Variants in MEAF6 observed in about 807,000 individuals in gnomAD.
MEAF6 encodes the protein chromatin modification-related protein MEAF6.
Under a neutral mutation model 28.9 loss-of-function variants are expected in MEAF6, and 15 were observed. The ratio of observed to expected loss-of-function variants is 0.52; its 90% CI spans 0.35 to 0.80. The LOEUF (loss-of-function observed/expected upper bound fraction) is 0.80, where lower values mean the gene tolerates loss of function less well. Among genes scored for constraint, MEAF6 ranks in the 30% least tolerant of loss-of-function variants. The pLI is 0.01. For missense variants in MEAF6, 178 were observed against 237.5 expected (o/e 0.75, Z 1.65); for synonymous variants, 97 against 88.7 (o/e 1.09, Z -0.53).
chr1:37,508,274 CTTTTTTTTTTTTTTTTT>C (rs577291632), intron 4 of MEAF6, among the ~76,000 whole-genome samples: 1 of 83,878 alleles, frequency 1.2e-5, no homozygotes, highest in Non-Finnish European at 2.4e-5. Context: ...ATGAGCATTT[CTTTTTTTTTTTTTTTTT>C]TTTTTTTTTG....
At chr1:37,508,380 G>C (rs1642557277) in intron 4 of MEAF6, among the ~76,000 whole-genome samples, 1 of 138,476 alleles carries the variant, frequency 7.2e-6, no homozygotes, top group South Asian at 2.3e-4. Context: ...CTGGGCTAAA[G>C]TGATCCTCTC....
intron 4 of MEAF6, among the ~76,000 whole-genome samples, chr1:37,508,956 G>C (rs922878765): frequency 2.6e-5 from 4 of 152,162 alleles, no homozygotes; most frequent in Non-Finnish European, 5.9e-5. Flanking sequence ...AATTAGCCAG[G>C]TGTGGTGACA....
rs369361938 is a variant in MEAF6, at chr1:37,495,959, C to T, written c.534-41G>A. On this transcript the variant is annotated intron_variant, in intron 5 of 6. Transcript: ENST00000296214. Reference sequence around the variant, plus strand: ...TAAAAGATATTTCCATTTTAATTTACAGAAAATGGGTCCCACAATCAGCTA... The same window carrying T: ...TAAAAGATATTTCCATTTTAATTTATAGAAAATGGGTCCCACAATCAGCTA... 5.8e-6 allele frequency: 9 copies of T among 1,563,848 alleles called. No homozygotes were observed. In the African/African-American group the frequency reaches 6.8e-5, roughly 12 times the overall value.
rs911473839 is a variant in MEAF6 at position 37,514,709 on chromosome 1, G to C, written c.38C>G (p.Pro13Arg). The C allele has an allele frequency of 1.3e-6, 2 of 1,541,154 alleles. No homozygotes were observed. Among genetic ancestry groups the C allele is most frequent in the African/African-American group, 1.4e-5 (1 of 69,908 alleles). ...CTCCGCCAGCTCCCGCCGGGTGTCC[G>C]GGATCTGCGGCGGCGCCGCCTTGTT... Reference protein sequence around the residue: ...MHNKAAPPQIPDTRRELAELV... With the variant: ...MHNKAAPPQIRDTRRELAELV... The change falls in exon 1 of 7, where the codon CCG becomes CGG. Residue 13 changes from proline to arginine, a missense_variant. By Grantham distance (103) the Pro-to-Arg change is moderately radical. Transcript: ENST00000296214.
At chr1:37,502,608 CGTAA>C (rs778851910) in intron 4 of MEAF6, among the ~76,000 whole-genome samples, 3 of 143,476 alleles carry the variant, frequency 2.1e-5, no homozygotes, top group African/African-American at 7.7e-5. Context: ...ACTTGAACCT[CGTAA>C]GTCTTTTTTT....
chr1:37,490,287 G>A lies in MEAF6; in HGVS notation c.*3812C>T, dbSNP rs976140346. Among the ~76,000 whole-genome samples, 1 of 152,008 alleles carries A rather than the reference G, an allele frequency of 6.6e-6. No individual in the cohort carries two copies. Among genetic ancestry groups the A allele is most frequent in the Non-Finnish European group, 1.5e-5 (1 of 68,000 alleles). ...ATCCACGGAAGCAGTTTTTCAAAGT[G>A]AAAACTGTTTCAAATCACGAAGCTT... On this transcript the variant is annotated 3_prime_UTR_variant, in exon 7 of 7. Coordinates refer to ENST00000296214, the MANE Select transcript of MEAF6 (RefSeq NM_001270875.3).
chr1:37,494,146 C>T, intron 6 of MEAF6, 39 bp from the exon 7 acceptor site: 1 of 1,565,770 alleles, frequency 6.4e-7, no homozygotes, highest in Non-Finnish European at 8.8e-7. Flanking sequence ...TTACTCTCGG[C>T]AGAACAGTTG....
At chr1:37,505,730 G>C (rs1406466147) in intron 4 of MEAF6, among the ~76,000 whole-genome samples, 1 of 152,180 alleles carries the variant, frequency 6.6e-6, no homozygotes, top group Non-Finnish European at 1.5e-5. Flanking sequence ...GTGTGGTACT[G>C]GTATCAACGT....
At chr1:37,509,211 GAATTA>G in intron 4 of MEAF6, 62 bp downstream of exon 4, 1 of 1,327,174 alleles carries the variant, frequency 7.5e-7, no homozygotes, top group Admixed American at 1.7e-5. Context: ...ACAATTGGAT[GAATTA>G]AGTGTAAGGG....
chr1:37,504,717 A>T (rs1420642725), intron 4 of MEAF6, among the ~76,000 whole-genome samples: 1 of 144,300 alleles, frequency 6.9e-6, no homozygotes, highest in East Asian at 2.2e-4. Flanking sequence ...GGTTGCAGTG[A>T]GCCAAGATGG....
rs1641976271 is a variant in MEAF6 at position 37,492,622 on chromosome 1, C to T, written c.*1477G>A. 6.8e-6 allele frequency: 1 copy of T among 146,956 alleles called. No individual in the cohort carries two copies. Among genetic ancestry groups the T allele is most frequent in the African/African-American group, 2.5e-5 (1 of 39,960 alleles). 9.1% of individuals were successfully genotyped at this position (146,956 alleles called of 1,614,324 possible). A position where few individuals can be genotyped will look rare whatever the true frequency, so the allele number is the denominator to read the frequency against. The stretch of plus-strand genomic sequence containing the variant: ...TTGAGAACAAGAGTGAAAGCTTTTG[C>T]ACATCTGACAAGGTAGACTTGTTTT... On this transcript the variant is annotated 3_prime_UTR_variant, in exon 7 of 7. Coordinates refer to ENST00000296214, the MANE Select transcript of MEAF6 (RefSeq NM_001270875.3).
At chr1:37,506,227 T>C (rs972342784) in intron 4 of MEAF6, among the ~76,000 whole-genome samples, 1 of 150,792 alleles carries the variant, frequency 6.6e-6, no homozygotes, top group African/African-American at 2.4e-5. Flanking sequence ...GCCAAGATAG[T>C]GCCACTGCAC....
At position 37,492,815 on chromosome 1, in the gene MEAF6, T is replaced by G. The variant is rs533335622; in HGVS notation, c.*1284A>C. 1.3e-5 allele frequency: 2 copies of G among 152,590 alleles called. No homozygotes were observed. Among genetic ancestry groups the G allele is most frequent in the East Asian group, 3.9e-4 (2 of 5,190 alleles). 9.5% of individuals were successfully genotyped at this position (152,590 alleles called of 1,614,324 possible). On this transcript the variant is annotated 3_prime_UTR_variant, in exon 7 of 7. Transcript: ENST00000296214. ...ACCAATCATAACATAGGATGTAAAT[T>G]AAACCATTCAGTCTTCTAATGTAGT...
rs56817829 is a variant in MEAF6 at position 37,498,796 on chromosome 1, T to A, written c.534-2878A>T. On this transcript the variant is annotated intron_variant, in intron 5 of 6. Transcript: ENST00000296214. ...GGAATGACATACTGTTCAGGTATCA[T>A]GTAAAATATAAGAATTCAGAACAAT... 3.9e-5 allele frequency among the ~76,000 whole-genome samples: 6 copies of A among 152,258 alleles called. No homozygotes were observed. The East Asian group carries it at 1.2e-3, about 29-fold the overall frequency.
chr1:37,502,991 G>A (rs1358807538), intron 4 of MEAF6, among the ~76,000 whole-genome samples: 1 of 151,948 alleles, frequency 6.6e-6, no homozygotes, highest in African/African-American at 2.4e-5. Flanking sequence ...AGAGTGCACT[G>A]GTGTGAACTG....
At chr1:37,496,678 G>A in intron 5 of MEAF6, 1 of 1,578,664 alleles carries the variant, frequency 6.3e-7, no homozygotes, top group South Asian at 1.1e-5. Flanking sequence ...ACTAAACACA[G>A]CACAAATACT....
Position 37,490,784 on chromosome 1 carries a change from T to C in MEAF6, c.*3315A>G, listed in dbSNP as rs1398958339. On this transcript the variant is annotated 3_prime_UTR_variant, in exon 7 of 7. Transcript: ENST00000296214. The stretch of plus-strand genomic sequence containing the variant: ...GCTCACGCCTGTAATCCTAGCACTT[T>C]GGGAGGCTGAGGCAGGTGGATTACG... Among the ~76,000 whole-genome samples, 4 of 152,110 alleles carry C rather than the reference T, an allele frequency of 2.6e-5. No homozygotes were observed. Among genetic ancestry groups the C allele is most frequent in the Admixed American group, 6.5e-5 (1 of 15,274 alleles).
intron 5 of MEAF6, among the ~76,000 whole-genome samples, chr1:37,498,086 A>T (rs1280797331): frequency 6.6e-6 from 1 of 152,210 alleles, no homozygotes; most frequent in Non-Finnish European, 1.5e-5. Context: ...AACACCTTCC[A>T]GACTAAAACA....
Position 37,513,548 on chromosome 1 carries a change from G to T in MEAF6, c.91-10C>A, listed in dbSNP as rs749205883. On this transcript the variant is annotated splice_polypyrimidine_tract_variant and intron_variant, in intron 1 of 6. Transcript: ENST00000296214. ...AATTTGCCAATGTTTCCTGAGAGATGAAAAACAAGGACATGAATGATACCT... is the reference window on the plus strand; with the variant it reads ...AATTTGCCAATGTTTCCTGAGAGATTAAAAACAAGGACATGAATGATACCT... The T allele has an allele frequency of 3.2e-6, 5 of 1,585,718 alleles. No individual in the cohort carries two copies. The highest frequency in any genetic ancestry group is 1.1e-5 in the South Asian group (1 of 90,534).
Sources: allele counts gnomAD v4.1 joint callset (sites outside exome capture counted in the v4.1 genomes callset), GRCh38; gene constraint gnomAD v4.1.1; transcripts MANE v1.5; gene names NCBI Gene and HGNC (gene_info 2026-07-23, HGNC 2026-07-21).